CLSPN: variants seen among roughly 807,000 people sequenced by gnomAD.
The protein encoded by CLSPN is claspin homolog.
Under a neutral mutation model 156.3 loss-of-function variants are expected in CLSPN, and 85 were observed. That is an observed-to-expected ratio of 0.54 (90% CI 0.46 to 0.65). The LOEUF (loss-of-function observed/expected upper bound fraction) is 0.65. CLSPN is among the 30% of genes least tolerant of loss of function. CLSPN has a pLI of 0.00. For synonymous variants in CLSPN, 534 were observed against 542.4 expected, an observed-to-expected ratio of 0.98 and a Z score of 0.22; for missense variants, 1,407 against 1,554.9, an observed-to-expected ratio of 0.90 and a Z score of 1.60.
intron 8 of CLSPN, among the ~76,000 whole-genome samples, chr1:35,754,834 G>A (rs1642219492): frequency 6.6e-6 from 1 of 152,102 alleles, no homozygotes; most frequent in Non-Finnish European, 1.5e-5. Context: ...TGCTCAACTT[G>A]TATACAAACG....
chr1:35,725,511 A>G (rs1227404530), intron 24 of CLSPN, among the ~76,000 whole-genome samples: 1 of 150,872 alleles, frequency 6.6e-6, no homozygotes, highest in African/African-American at 2.4e-5. Context: ...CATAATCCCC[A>G]TGCCCTCTCC....
At position 35,720,858 on chromosome 1, in the gene CLSPN, C is replaced by G. The variant is rs754709071; in HGVS notation, c.*33G>C. 6.0e-6 allele frequency: 9 copies of G among 1,507,970 alleles called. No homozygotes were observed. The Admixed American group carries it at 1.0e-4, about 17-fold the overall frequency. The allele number at this position is 1,507,970 out of a possible 1,614,324, so 93.4% of individuals were successfully genotyped here. On this transcript the variant is annotated 3_prime_UTR_variant, in exon 25 of 25. Transcript: ENST00000251195. ...GTTTGTTCTGCCCAGAATAGCCCTT[C>G]TCCGCCTCTCTTTGGACTCTGTCTC... is the stretch of plus-strand genomic sequence containing the variant.
At position 35,747,989 on chromosome 1, in the gene CLSPN, G is replaced by C; in HGVS notation, c.2545C>G (p.Pro849Ala). The change falls in exon 14 of 25, where the codon CCT becomes GCT. Residue 849 changes from proline (P) to alanine (A), a missense_variant. Coordinates refer to ENST00000318121, the MANE Select transcript of CLSPN (RefSeq NM_022111.4). Reference protein sequence around the residue: ...SQDLYNASPEPKTLFLGAGDF... With the variant: ...SQDLYNASPEAKTLFLGAGDF... Reference sequence around the variant, plus strand: ...CCTGCTCCTAGGAAAAGTGTCTTAGGCTCTGGGGAGGCGTTATACAGATCC... The same window carrying C: ...CCTGCTCCTAGGAAAAGTGTCTTAGCCTCTGGGGAGGCGTTATACAGATCC... The C allele has an allele frequency of 6.2e-7, 1 of 1,614,154 alleles. No individual in the cohort carries two copies. Among genetic ancestry groups the C allele is most frequent in the Non-Finnish European group, 8.5e-7 (1 of 1,179,984 alleles).
At chr1:35,753,093 T>A (rs569717397) in intron 9 of CLSPN, among the ~76,000 whole-genome samples, 15 of 152,278 alleles carry the variant, frequency 9.9e-5, no homozygotes, top group African/African-American at 3.6e-4. Context: ...GGTTGTTTTG[T>A]TTTGGGTTTT....
chr1:35,735,122 G>A lies in CLSPN; in HGVS notation c.*1374C>T. 2 of 985,424 alleles carry A rather than the reference G, an allele frequency of 2.0e-6. No homozygotes were observed. Among genetic ancestry groups the A allele is most frequent in the Non-Finnish European group, 2.4e-6 (2 of 829,928 alleles). 61.0% of individuals were successfully genotyped at this position (985,424 alleles called of 1,614,324 possible). On this transcript the variant is annotated 3_prime_UTR_variant, in exon 25 of 25. Transcript: ENST00000318121. ...ATGTTTCTTCTTGTCAGACCCAGAA[G>A]GGAGATCTTTGAACAACAGTGCTTC...
At chr1:35,720,554 A>G (rs142219333) in exon 25 of CLSPN, 1,585 of 152,112 alleles carry the variant, frequency 0.01, 16 homozygotes, top group African/African-American at 0.034. Flanking sequence ...GGTTCAAGCG[A>G]TTCTCCTGCC....
chr1:35,728,409 G>T (rs1409360498), downstream of CLSPN, among the ~76,000 whole-genome samples: 1 of 152,102 alleles, frequency 6.6e-6, no homozygotes, highest in African/African-American at 2.4e-5. Flanking sequence ...CAAATTCCTG[G>T]TTGTAGCTAC....
intron 1 of CLSPN, 29 bp downstream of exon 1, chr1:35,769,818 C>T (rs1312173056): frequency 3.2e-6 from 5 of 1,586,028 alleles, no homozygotes; most frequent in Non-Finnish European, 4.3e-6. Context: ...CCTTCTAAGC[C>T]CCCGTGGGGG....
intron 8 of CLSPN, among the ~76,000 whole-genome samples, chr1:35,758,759 C>T (rs1346216250): frequency 6.6e-6 from 1 of 151,050 alleles, no homozygotes; most frequent in Non-Finnish European, 1.5e-5. Flanking sequence ...TTCAACAAAT[C>T]TTCACCATAG....
Position 35,735,390 on chromosome 1 carries a change from G to C in CLSPN, c.*1106C>G. ...AGAGTAATACAGCAGCCCATCTGTT[G>C]GTTCCTAGGTCCTCCATCTAAGAAA... On this transcript the variant is annotated 3_prime_UTR_variant, in exon 25 of 25. Transcript: ENST00000318121. 1 of 985,358 alleles carries C rather than the reference G, an allele frequency of 1.0e-6. No individual in the cohort carries two copies. Among genetic ancestry groups the C allele is most frequent in the Non-Finnish European group, 1.2e-6 (1 of 829,906 alleles). The allele number at this position is 985,358 out of a possible 1,614,324, so 61.0% of individuals were successfully genotyped here.
chr1:35,760,777 C>T lies in CLSPN; in HGVS notation c.1144G>A (p.Val382Ile), dbSNP rs943536125. 5.0e-6 allele frequency: 8 copies of T among 1,613,700 alleles called. No individual in the cohort carries two copies. The highest frequency in any genetic ancestry group is 2.7e-5 in the African/African-American group (2 of 75,046). Residue 382 changes from valine (V) to isoleucine (I), a missense_variant, in exon 8 of 25, where the codon GTA becomes ATA. By Grantham distance (29) the Val-to-Ile change is conservative. Coordinates refer to ENST00000318121, the MANE Select transcript of CLSPN (RefSeq NM_022111.4). ...ENEVETNALP[V>I]VSKETQIITG... ...ATGATCTGGGTTTCCTTTGAAACTA[C>T]AGGGAGTGCATTAGTTTCCACTTCA...
intron 18 of CLSPN, among the ~76,000 whole-genome samples, chr1:35,741,131 T>C (rs897513310): frequency 2.6e-5 from 4 of 151,986 alleles, no homozygotes; most frequent in Admixed American, 6.6e-5. Flanking sequence ...TTTAACATCA[T>C]AGGAAAATGT....
rs1027935939 is a variant in CLSPN at position 35,733,602 on chromosome 1, C to T, written c.*2894G>A. On this transcript the variant is annotated 3_prime_UTR_variant, in exon 25 of 25. Transcript: ENST00000318121. ...TGCCTTGGGAACTGTTTAGAGAGTT[C>T]AAAGAAAGAGGCAAAAACATGTATC... 3 of 985,192 alleles carry T rather than the reference C, an allele frequency of 3.0e-6. No homozygotes were observed. Among genetic ancestry groups the T allele is most frequent in the Admixed American group, 1.2e-4 (2 of 16,248 alleles). 61.0% of individuals were successfully genotyped at this position (985,192 alleles called of 1,614,324 possible). A position where few individuals can be genotyped will look rare whatever the true frequency, so the allele number is the denominator to read the frequency against.
rs1488168645 is a variant in CLSPN at position 35,734,890 on chromosome 1, C to A, written c.*1606G>T. On this transcript the variant is annotated 3_prime_UTR_variant, in exon 25 of 25. Transcript: ENST00000318121. Reference sequence around the variant, plus strand: ...GTTTTTCCAAAGCAGCACTGATGCTCAGTTCTGAGGGGAAAAACATTTGTC... The same window carrying A: ...GTTTTTCCAAAGCAGCACTGATGCTAAGTTCTGAGGGGAAAAACATTTGTC... 1 of 985,252 alleles carries A rather than the reference C, an allele frequency of 1.0e-6. No homozygotes were observed. Among genetic ancestry groups the A allele is most frequent in the East Asian group, 1.1e-4 (1 of 8,820 alleles). The allele number at this position is 985,252 out of a possible 1,614,324, so 61.0% of individuals were successfully genotyped here.
intron 23 of CLSPN, 33 bp from the exon 24 acceptor site, chr1:35,737,108 C>T: frequency 6.2e-7 from 1 of 1,602,664 alleles, no homozygotes; most frequent in Non-Finnish European, 8.5e-7. Flanking sequence ...GTATCAAATC[C>T]CAAGTGCCAA....
At chr1:35,758,301 C>T (rs950786878) in intron 8 of CLSPN, among the ~76,000 whole-genome samples, 3 of 152,014 alleles carry the variant, frequency 2.0e-5, no homozygotes, top group Admixed American at 6.6e-5. Flanking sequence ...ACCTCAGCCT[C>T]CTAAAGTGCT....
chr1:35,736,480 G>T lies in CLSPN; in HGVS notation c.*16C>A. The T allele has an allele frequency of 6.4e-7, 1 of 1,567,822 alleles. No homozygotes were observed. The highest frequency in any genetic ancestry group is 1.2e-5 in the South Asian group (1 of 82,300). ...TCAAAGCAGTCTCAATGTAGATTTT[G>T]GCACCTTTGATGGTGTTAGCTCTCC... On this transcript the variant is annotated 3_prime_UTR_variant, in exon 25 of 25. Transcript: ENST00000318121.
At chr1:35,764,143 T>G in intron 3 of CLSPN, 123 bp downstream of exon 3, 1 of 665,818 alleles carries the variant, frequency 1.5e-6, no homozygotes, top group Admixed American at 3.1e-5. Context: ...AGAATAATTC[T>G]CAACACAAAA....
Position 35,733,704 on chromosome 1 carries a change from C to T in CLSPN, c.*2792G>A. Reference sequence around the variant, plus strand: ...CCAATCAAAGCTGTAACAGGCTGGGCATGGTGGCTGAGCCTGTGACCCCAG... The same window carrying T: ...CCAATCAAAGCTGTAACAGGCTGGGTATGGTGGCTGAGCCTGTGACCCCAG... On this transcript the variant is annotated 3_prime_UTR_variant, in exon 25 of 25. Coordinates refer to ENST00000318121, the MANE Select transcript of CLSPN (RefSeq NM_022111.4). 2 of 985,366 alleles carry T rather than the reference C, an allele frequency of 2.0e-6. No individual in the cohort carries two copies. The highest frequency in any genetic ancestry group is 2.4e-6 in the Non-Finnish European group (2 of 829,900). 61.0% of individuals were successfully genotyped at this position (985,366 alleles called of 1,614,324 possible).
Sources: gnomAD v4.1 joint callset for allele counts (sites outside exome capture counted in the v4.1 genomes callset) on GRCh38, gnomAD v4.1.1 for gene constraint, MANE v1.5 for transcripts, NCBI Gene and HGNC (gene_info 2026-07-23, HGNC 2026-07-21) for gene names.